The following HS3ST2 variants were observed in gnomAD, a reference collection of about 807,000 sequenced individuals.
HS3ST2 encodes heparan sulfate-glucosamine 3-sulfotransferase 2.
HS3ST2 carries 17 observed loss-of-function variants against 26.3 expected under a neutral mutation model. That is an observed-to-expected ratio of 0.65 (90% confidence interval 0.44 to 0.97). The LOEUF (loss-of-function observed/expected upper bound fraction) is 0.97. Among genes scored for constraint, HS3ST2 ranks in the 50% least tolerant of loss-of-function variants. The pLI is 0.00. For synonymous variants in HS3ST2, 237 were observed against 219.2 expected, an observed-to-expected ratio of 1.08 and a Z score of -0.72; for missense variants, 402 against 501.2, an observed-to-expected ratio of 0.80 and a Z score of 1.89.
intron 1 of HS3ST2, among the ~76,000 whole-genome samples, chr16:22,895,819 GTTCAT>G (rs1244260734): frequency 6.6e-5 from 10 of 151,748 alleles, no homozygotes; most frequent in Admixed American, 6.6e-4. Flanking sequence ...GTTTATAATA[GTTCAT>G]TTTATAGTTT....
intron 1 of HS3ST2, among the ~76,000 whole-genome samples, chr16:22,828,718 A>G (rs981425884): frequency 1.3e-5 from 2 of 152,226 alleles, no homozygotes; most frequent in Admixed American, 1.3e-4. Context: ...GTTTATGGCC[A>G]CTTCTAGCTG....
chr16:22,816,931 C>T (rs978408089), intron 1 of HS3ST2, among the ~76,000 whole-genome samples: 8 of 152,058 alleles, frequency 5.3e-5, no homozygotes, highest in African/African-American at 1.9e-4. Context: ...ATACCTATGC[C>T]CTGAACCCAG....
intron 1 of HS3ST2, among the ~76,000 whole-genome samples, chr16:22,838,992 G>A (rs558330113): frequency 2.3e-4 from 35 of 152,290 alleles, no homozygotes; most frequent in African/African-American, 8.4e-4. Context: ...AGCCAACACT[G>A]TTTCCCCAAT....
intron 1 of HS3ST2, among the ~76,000 whole-genome samples, chr16:22,870,998 CCT>C (rs1161895741): frequency 2.0e-5 from 3 of 152,094 alleles, no homozygotes; most frequent in African/African-American, 7.2e-5. Flanking sequence ...ATGCAGGCAC[CCT>C]GTTTTTCACT....
Position 22,914,072 on chromosome 16 carries a change from G to C in HS3ST2, c.486-872G>C, listed in dbSNP as rs556700708. ...AGGATCAATGGAGCCTGGAGTTCGAGGCTTCAGTGAGCCATGATTGTAACT... is the reference window on the plus strand; with the variant it reads ...AGGATCAATGGAGCCTGGAGTTCGACGCTTCAGTGAGCCATGATTGTAACT... On this transcript the variant is annotated intron_variant, in intron 1 of 1. Coordinates refer to ENST00000261374, the MANE Select transcript of HS3ST2 (RefSeq NM_006043.2). 3.3e-5 allele frequency among the ~76,000 whole-genome samples: 5 copies of C among 152,030 alleles called. No homozygotes were observed. In the South Asian group the frequency reaches 8.3e-4, roughly 25 times the overall value.
chr16:22,862,595 G>C (rs1901695483), intron 1 of HS3ST2, among the ~76,000 whole-genome samples: 1 of 152,178 alleles, frequency 6.6e-6, no homozygotes, highest in Non-Finnish European at 1.5e-5. Context: ...CTGTCCTGTG[G>C]ATCAGAGTTC....
Position 22,839,914 on chromosome 16 carries a change from A to G in HS3ST2, c.485+24819A>G, listed in dbSNP as rs76853663. Among the ~76,000 whole-genome samples the G allele has an allele frequency of 6.1e-3, 936 of 152,312 alleles. 8 individuals are homozygous for G. The highest frequency in any genetic ancestry group is 0.024 in the Middle Eastern group (7 of 294). ...ATGTGATCTTTACAAAGGGCCTTTC[A>G]CCTCAGCTTTTTAATGTAAAAATAA... On this transcript the variant is annotated intron_variant, in intron 1 of 1. Transcript: ENST00000261374.
intron 1 of HS3ST2, among the ~76,000 whole-genome samples, chr16:22,817,960 T>C (rs1900896887): frequency 6.6e-6 from 1 of 152,218 alleles, no homozygotes; most frequent in Admixed American, 6.5e-5. Context: ...ACACCATCAT[T>C]TGGAGAGACC....
At chr16:22,855,281 A>G (rs1030269632) in intron 1 of HS3ST2, among the ~76,000 whole-genome samples, 1 of 152,076 alleles carries the variant, frequency 6.6e-6, no homozygotes, top group Non-Finnish European at 1.5e-5. Flanking sequence ...GTTTCCCCCA[A>G]CGTGGGCCTT....
At chr16:22,818,198 G>A (rs1377628362) in intron 1 of HS3ST2, among the ~76,000 whole-genome samples, 2 of 152,138 alleles carry the variant, frequency 1.3e-5, no homozygotes, top group Non-Finnish European at 2.9e-5. Flanking sequence ...TCTCCTAGCT[G>A]CTTGGACAGG....
In HS3ST2 at chr16:22,914,763, A is replaced by AAAAAAAGAG. The variant is rs1489223344; in HGVS notation, c.486-180_486-179insAAAAAGAGA. On this transcript the variant is annotated intron_variant, in intron 1 of 1. Transcript: ENST00000261374. ...AAAAAAAAAAAAAAAAAAAAAAAAA[A>AAAAAAAGAG]AGAGAAGAAAAGAAAATCAACAAGA... Among the ~76,000 whole-genome samples the AAAAAAAGAG allele has an allele frequency of 3.4e-5, 4 of 118,690 alleles. 1 individual carries two copies. The highest frequency in any genetic ancestry group is 1.5e-4 in the African/African-American group (4 of 26,624). 77.9% of individuals were successfully genotyped at this position (118,690 alleles called of 152,430 possible).
rs1489223344 is a variant in HS3ST2, at chr16:22,914,763, A to AAAAAAAAAAAG, written c.486-180_486-179insAAAAAAAAAGA. ...AAAAAAAAAAAAAAAAAAAAAAAAA[A>AAAAAAAAAAAG]AGAGAAGAAAAGAAAATCAACAAGA... On this transcript the variant is annotated intron_variant, in intron 1 of 1. Coordinates refer to ENST00000261374, the MANE Select transcript of HS3ST2 (RefSeq NM_006043.2). Among the ~76,000 whole-genome samples the AAAAAAAAAAAG allele has an allele frequency of 1.2e-3, 142 of 118,774 alleles. 21 individuals are homozygous for AAAAAAAAAAAG. The highest frequency in any genetic ancestry group is 5.0e-3 in the African/African-American group (134 of 26,698). 77.9% of individuals were successfully genotyped at this position (118,774 alleles called of 152,430 possible). A position where few individuals can be genotyped will look rare whatever the true frequency, so the allele number is the denominator to read the frequency against.
chr16:22,908,972 A>G (rs1902388279), intron 1 of HS3ST2, among the ~76,000 whole-genome samples: 1 of 152,230 alleles, frequency 6.6e-6, no homozygotes, highest in Admixed American at 6.5e-5. Context: ...GTAGTAACTC[A>G]CAGAATCCAG....
At chr16:22,843,947 A>G (rs1901395361) in intron 1 of HS3ST2, among the ~76,000 whole-genome samples, 1 of 152,130 alleles carries the variant, frequency 6.6e-6, no homozygotes. Context: ...ACCCAACATT[A>G]TAACAAAAGA....
At chr16:22,899,491 A>G (rs1286279887) in intron 1 of HS3ST2, among the ~76,000 whole-genome samples, 1 of 152,202 alleles carries the variant, frequency 6.6e-6, no homozygotes, top group Non-Finnish European at 1.5e-5. Flanking sequence ...AACGGTCTGA[A>G]ATAGTCATGC....
chr16:22,817,870 T>G (rs1191999855), intron 1 of HS3ST2, among the ~76,000 whole-genome samples: 1 of 147,116 alleles, frequency 6.8e-6, no homozygotes, highest in African/African-American at 2.6e-5. Flanking sequence ...ATCAAAAGCT[T>G]TACCCTTAAC....
At chr16:22,855,824 A>C (rs931425636) in intron 1 of HS3ST2, among the ~76,000 whole-genome samples, 1 of 152,108 alleles carries the variant, frequency 6.6e-6, no homozygotes, top group Admixed American at 6.6e-5. Context: ...CAAGTGCAAC[A>C]GAATTTTCTT....
chr16:22,862,860 A>C (rs747553910), intron 1 of HS3ST2, among the ~76,000 whole-genome samples: 6 of 152,200 alleles, frequency 3.9e-5, no homozygotes, highest in Non-Finnish European at 5.9e-5. Flanking sequence ...TGTTTTGTTC[A>C]CTGCTTATGT....
intron 1 of HS3ST2, among the ~76,000 whole-genome samples, chr16:22,913,408 G>C (rs1282690667): frequency 6.6e-6 from 1 of 152,108 alleles, no homozygotes; most frequent in Non-Finnish European, 1.5e-5. Flanking sequence ...AAAAGCAAGG[G>C]AAAGAGAGGT....
Sources: allele counts gnomAD v4.1 joint callset (sites outside exome capture counted in the v4.1 genomes callset), GRCh38; gene constraint gnomAD v4.1.1; transcripts MANE v1.5; gene names NCBI Gene and HGNC (gene_info 2026-07-23, HGNC 2026-07-21).